Variants in DIRAS2 observed in about 807,000 individuals in gnomAD.
DIRAS2 encodes GTP-binding protein Di-Ras2.
DIRAS2 carries 5 observed loss-of-function variants against 13.9 expected under a neutral mutation model. The observed-to-expected ratio is 0.36, with a 90% confidence interval of 0.19 to 0.76. The LOEUF is 0.76. Among genes scored for constraint, DIRAS2 ranks in the 30% least tolerant of loss-of-function variants. DIRAS2 has a pLI of 0.53. For synonymous variants in DIRAS2, 111 were observed against 105.4 expected (o/e 1.05, Z -0.33); for missense variants, 191 against 263.0 (o/e 0.73, Z 1.89).
Position 90,610,740 on chromosome 9 carries a change from A to G in DIRAS2, c.*2488T>C. On this transcript the variant is annotated 3_prime_UTR_variant, in exon 2 of 2. Transcript: ENST00000375765. ...ATATCCTCAGTTCAGCTCATAGAAA[A>G]CGATCTCAAAATGAAGACCCATAAT... 3.7e-6 allele frequency: 1 copy of G among 268,172 alleles called. No homozygotes were observed. The highest frequency in any genetic ancestry group is 6.9e-6 in the Non-Finnish European group (1 of 144,898). The allele number at this position is 268,172 out of a possible 1,614,324, so 16.6% of individuals were successfully genotyped here.
chr9:90,635,520 A>G (rs1221896655), intron 1 of DIRAS2, among the ~76,000 whole-genome samples: 2 of 152,244 alleles, frequency 1.3e-5, no homozygotes, highest in Admixed American at 1.3e-4. Flanking sequence ...AATGCTCTAC[A>G]TGCTTCATGT....
intron 1 of DIRAS2, among the ~76,000 whole-genome samples, chr9:90,638,262 A>G (rs985661872): frequency 1.3e-5 from 2 of 152,272 alleles, no homozygotes; most frequent in African/African-American, 2.4e-5. Context: ...GGAAGAACAA[A>G]AAAGAGAGGC....
chr9:90,627,867 G>T (rs1410206781), intron 1 of DIRAS2, among the ~76,000 whole-genome samples: 1 of 152,248 alleles, frequency 6.6e-6, no homozygotes, highest in African/African-American at 2.4e-5. Context: ...GTCAGGGGTT[G>T]TGGGGCAAGG....
chr9:90,634,311 AG>A (rs1188864380), intron 1 of DIRAS2, among the ~76,000 whole-genome samples: 1 of 152,198 alleles, frequency 6.6e-6, no homozygotes, highest in Admixed American at 6.5e-5. Flanking sequence ...GAAGAGAGCA[AG>A]GGCATACAGT....
At chr9:90,637,959 G>T (rs910073582) in intron 1 of DIRAS2, among the ~76,000 whole-genome samples, 1 of 152,136 alleles carries the variant, frequency 6.6e-6, no homozygotes, top group African/African-American at 2.4e-5. Context: ...AAAAAATTAG[G>T]CCTCATCTGA....
intron 1 of DIRAS2, among the ~76,000 whole-genome samples, chr9:90,641,126 C>T (rs572787030): frequency 2.9e-4 from 44 of 152,122 alleles, no homozygotes; most frequent in African/African-American, 8.0e-4. Context: ...AAGGTCTCCT[C>T]CACTCTTCTC....
chr9:90,622,879 A>T (rs1005486515), intron 1 of DIRAS2, among the ~76,000 whole-genome samples: 5 of 152,158 alleles, frequency 3.3e-5, no homozygotes, highest in African/African-American at 1.2e-4. Context: ...ATTTTTCCCA[A>T]AGCCTGGGGA....
intron 1 of DIRAS2, among the ~76,000 whole-genome samples, chr9:90,619,829 T>C (rs1403300855): frequency 1.3e-5 from 2 of 152,116 alleles, no homozygotes; most frequent in African/African-American, 4.8e-5. Context: ...ATAAGTAAAA[T>C]GCAATCTACC....
At chr9:90,625,019 A>G (rs1825255212) in intron 1 of DIRAS2, among the ~76,000 whole-genome samples, 1 of 152,268 alleles carries the variant, frequency 6.6e-6, no homozygotes, top group Admixed American at 6.5e-5. Context: ...GAAAACAAAA[A>G]GGAAAATCAT....
At chr9:90,615,287 G>T (rs1243408749) in intron 1 of DIRAS2, among the ~76,000 whole-genome samples, 1 of 152,148 alleles carries the variant, frequency 6.6e-6, no homozygotes, top group Non-Finnish European at 1.5e-5. Context: ...TGCCTCATGC[G>T]TCTGCCTACA....
chr9:90,620,916 T>C (rs1260533661), intron 1 of DIRAS2, among the ~76,000 whole-genome samples: 1 of 152,200 alleles, frequency 6.6e-6, no homozygotes, highest in Non-Finnish European at 1.5e-5. Context: ...ATCTAGATTA[T>C]CCTATCTTAT....
At chr9:90,625,750 T>C (rs1236041510) in intron 1 of DIRAS2, 1 of 152,234 alleles carries the variant, frequency 6.6e-6, no homozygotes, top group African/African-American at 2.4e-5. Context: ...TTGAGAAGTA[T>C]GAGTCTTCAA....
chr9:90,618,147 C>T (rs1351375383), intron 1 of DIRAS2, among the ~76,000 whole-genome samples: 2 of 152,170 alleles, frequency 1.3e-5, no homozygotes, highest in African/African-American at 4.8e-5. Context: ...AGCTGGCAGA[C>T]CCATACTTCC....
rs945432811 is a variant in DIRAS2 at position 90,613,873 on chromosome 9, G to A, written c.-36-10C>T. On this transcript the variant is annotated splice_polypyrimidine_tract_variant and intron_variant, in intron 1 of 1. Coordinates refer to ENST00000375765, the MANE Select transcript of DIRAS2 (RefSeq NM_017594.5). This position sits in a 1 kb window ranked among gnomAD's most constrained non-coding sequence, Gnocchi z 5.6. ...CTCAGCCAGGACGCACCTAGCAAAG[G>A]AACCAGATGTTTGAAAGAATTAATA... 4 of 1,550,712 alleles carry A rather than the reference G, an allele frequency of 2.6e-6. No homozygotes were observed. Among genetic ancestry groups the A allele is most frequent in the Non-Finnish European group, 3.5e-6 (4 of 1,150,848 alleles).
rs185202873 is a variant in DIRAS2, at chr9:90,623,252, T to C, written c.-36-9389A>G. Among the ~76,000 whole-genome samples, 20 of 152,306 alleles carry C rather than the reference T, an allele frequency of 1.3e-4. 1 individual carries two copies. The highest frequency in any genetic ancestry group is 9.8e-4 in the Admixed American group (15 of 15,290). On this transcript the variant is annotated intron_variant, in intron 1 of 1. Coordinates refer to ENST00000375765, the MANE Select transcript of DIRAS2 (RefSeq NM_017594.5). ...TTCCATTTGATTTATGAAAGAATCATCACATTGGCTGGGAGAGGTAGCTGG... is the reference window on the plus strand; with the variant it reads ...TTCCATTTGATTTATGAAAGAATCACCACATTGGCTGGGAGAGGTAGCTGG...
intron 1 of DIRAS2, among the ~76,000 whole-genome samples, chr9:90,620,728 G>T (rs1382143223): frequency 6.6e-6 from 1 of 151,102 alleles, no homozygotes; most frequent in Admixed American, 6.6e-5. Flanking sequence ...GACAGAGTGA[G>T]ACTCCGCTGT....
Position 90,610,477 on chromosome 9 carries a change from T to A in DIRAS2, c.*2751A>T. ...ATAGAAGGGAAGTCATGGAGCCCCATGCTCATGCCCAGAGCGCCATCTTCA... is the reference window on the plus strand; with the variant it reads ...ATAGAAGGGAAGTCATGGAGCCCCAAGCTCATGCCCAGAGCGCCATCTTCA... On this transcript the variant is annotated 3_prime_UTR_variant, in exon 2 of 2. Transcript: ENST00000375765. 1 of 399,010 alleles carries A rather than the reference T, an allele frequency of 2.5e-6. No homozygotes were observed. The allele number at this position is 399,010 out of a possible 1,614,324, so 24.7% of individuals were successfully genotyped here.
intron 1 of DIRAS2, among the ~76,000 whole-genome samples, chr9:90,621,524 AT>A (rs1242502126): frequency 6.6e-6 from 1 of 152,188 alleles, no homozygotes; most frequent in Non-Finnish European, 1.5e-5. Context: ...CATTTTAATA[AT>A]TTTTTATAAA....
At chr9:90,636,693 GA>G (rs1825374486) in intron 1 of DIRAS2, among the ~76,000 whole-genome samples, 1 of 152,158 alleles carries the variant, frequency 6.6e-6, no homozygotes, top group Non-Finnish European at 1.5e-5. Context: ...GCAGAATTGT[GA>G]TCAAGTGTTA....
Sources: allele counts gnomAD v4.1 joint callset (sites outside exome capture counted in the v4.1 genomes callset), GRCh38; gene constraint gnomAD v4.1.1; non-coding constraint Gnocchi (gnomAD v3.1); transcripts MANE v1.5; gene names NCBI Gene and HGNC (gene_info 2026-07-23, HGNC 2026-07-21).